PIGN: variants seen among roughly 807,000 people sequenced by gnomAD.
PIGN encodes the protein GPI ethanolamine phosphate transferase 1.
PIGN carries 117 observed loss-of-function variants against 125.4 expected under a neutral mutation model. The observed-to-expected ratio is 0.93, with a 90% CI of 0.80 to 1.09. The LOEUF (loss-of-function observed/expected upper bound fraction) is 1.09. Among genes scored for constraint, PIGN ranks in the 50% least tolerant of loss-of-function variants. The probability of loss-of-function intolerance (pLI) is 0.00; values close to 1 mark genes in which losing one functional copy is unlikely to be tolerated. For missense variants in PIGN, 1,075 were observed against 1,094.9 expected, an observed-to-expected ratio of 0.98 and a Z score of 0.26; for synonymous variants, 392 against 377.8, an observed-to-expected ratio of 1.04 and a Z score of -0.44.
At chr18:62,150,015 T>G (rs1369629858) in intron 7 of PIGN, among the ~76,000 whole-genome samples, 1 of 152,216 alleles carries the variant, frequency 6.6e-6, no homozygotes, top group Admixed American at 6.5e-5. Context: ...TGAGACAGTC[T>G]CTATCGCCCA....
In PIGN at chr18:62,106,979, T is replaced by A; in HGVS notation, c.1674+7A>T. 6.4e-7 allele frequency: 1 copy of A among 1,563,988 alleles called. No homozygotes were observed. Among genetic ancestry groups the A allele is most frequent in the Non-Finnish European group, 8.7e-7 (1 of 1,149,884 alleles). ...TTGCAAATGTTGTAATCTGGTAAGTTACTTACTAATACTTCAATTCCCAGG... is the reference window on the plus strand; with the variant it reads ...TTGCAAATGTTGTAATCTGGTAAGTAACTTACTAATACTTCAATTCCCAGG... On this transcript the variant is annotated splice_region_variant and intron_variant, in intron 18 of 30. Transcript: ENST00000640252.
At chr18:62,164,337 A>T (rs2037056958) in intron 1 of PIGN, among the ~76,000 whole-genome samples, 1 of 152,240 alleles carries the variant, frequency 6.6e-6, no homozygotes, top group Admixed American at 6.5e-5. Context: ...CCATTTTCAC[A>T]TTGCTACGAA....
intron 26 of PIGN, among the ~76,000 whole-genome samples, chr18:62,084,878 C>G (rs542843064): frequency 4.6e-5 from 7 of 152,154 alleles, no homozygotes; most frequent in Admixed American, 3.9e-4. Context: ...CAGGCTGAGG[C>G]GGGTGGATCA....
chr18:62,060,566 A>G (rs897801691), intron 30 of PIGN, among the ~76,000 whole-genome samples: 3 of 152,266 alleles, frequency 2.0e-5, no homozygotes, highest in African/African-American at 7.2e-5. Context: ...TACAAACACT[A>G]TTGAATAGAA....
chr18:62,076,314 T>C (rs58111511), intron 28 of PIGN, among the ~76,000 whole-genome samples: 119 of 152,350 alleles, frequency 7.8e-4, no homozygotes, highest in African/African-American at 2.3e-3. Flanking sequence ...CTGTATATCT[T>C]CTTCAGGTGT....
At chr18:62,077,144 G>A (rs2033660338) in intron 28 of PIGN, among the ~76,000 whole-genome samples, 1 of 152,196 alleles carries the variant, frequency 6.6e-6, no homozygotes, top group Admixed American at 6.5e-5. Flanking sequence ...TTAGGAGGCC[G>A]AGGTGGGTGA....
In PIGN at chr18:62,090,518, TTC is replaced by T; in HGVS notation, c.2239_2240del (p.Glu747ThrfsTer12). 6.2e-7 allele frequency: 1 copy of T among 1,611,280 alleles called. No individual in the cohort carries two copies. Among genetic ancestry groups the T allele is most frequent in the South Asian group, 1.1e-5 (1 of 90,552 alleles). On this transcript the variant is annotated frameshift_variant, in exon 24 of 31. Transcript: ENST00000640252. LOFTEE classifies it high-confidence loss of function. Reference protein sequence around the residue: ...SCLMFVWINIEQETLQQSGVC... With the variant: ...SCLMFVWINIXQETLQQSGVC... ...CACCAGATTGTTGTAGAGTTTCTTG[TTC>T]TATGTTTATCCAGACAAACATCAAA...
chr18:62,080,162 C>A (rs1419602470), intron 28 of PIGN, among the ~76,000 whole-genome samples: 1 of 152,102 alleles, frequency 6.6e-6, no homozygotes, highest in East Asian at 1.9e-4. Context: ...TTCCCCCAAT[C>A]CCTGCCGTGT....
chr18:62,156,787 A>G (rs1280164456), intron 6 of PIGN, among the ~76,000 whole-genome samples: 1 of 152,228 alleles, frequency 6.6e-6, no homozygotes, highest in African/African-American at 2.4e-5. Context: ...ATAAAAATAA[A>G]TCTATGAGAC....
intron 25 of PIGN, chr18:62,088,506 CAT>C: frequency 4.6e-6 from 1 of 215,076 alleles, no homozygotes; most frequent in Non-Finnish European, 9.0e-6. Flanking sequence ...TTTTAAAAAA[CAT>C]ATGTGACAAA....
At chr18:62,061,834 A>G (rs562758928) in intron 30 of PIGN, among the ~76,000 whole-genome samples, 1 of 152,310 alleles carries the variant, frequency 6.6e-6, no homozygotes, top group East Asian at 1.9e-4. Context: ...TCACAAACAG[A>G]AAGCAGAAAA....
At chr18:62,172,445 T>A (rs930383268) in intron 1 of PIGN, among the ~76,000 whole-genome samples, 6 of 152,136 alleles carry the variant, frequency 3.9e-5, no homozygotes, top group Non-Finnish European at 8.8e-5. Flanking sequence ...TCACTTTGAT[T>A]TAAACACCTC....
chr18:62,110,021 T>A, intron 16 of PIGN, 48 bp from the exon 17 acceptor site: 2 of 1,583,542 alleles, frequency 1.3e-6, no homozygotes, highest in Non-Finnish European at 1.7e-6. Context: ...CAATGGTAAT[T>A]GATAGGTTTT....
At chr18:62,132,422 A>G (rs761215364) in intron 14 of PIGN, among the ~76,000 whole-genome samples, 1 of 152,244 alleles carries the variant, frequency 6.6e-6, no homozygotes, top group Non-Finnish European at 1.5e-5. Context: ...AAATACTCTT[A>G]AAAATAATTT....
At chr18:62,117,886 A>G (rs1367803) in intron 14 of PIGN, among the ~76,000 whole-genome samples, 88,447 of 151,806 alleles carry the variant, frequency 0.58, 26,527 homozygotes, top group East Asian at 0.79. Flanking sequence ...GTTGCTGCAA[A>G]TGACAGGATT....
At chr18:62,136,367 G>C (rs2035933011) in intron 14 of PIGN, 1 of 152,072 alleles carries the variant, frequency 6.6e-6, no homozygotes, top group Non-Finnish European at 1.5e-5. Flanking sequence ...TTTTATTTTT[G>C]AGATGGAGTC....
At chr18:62,132,503 G>T (rs971286429) in intron 14 of PIGN, among the ~76,000 whole-genome samples, 3 of 151,990 alleles carry the variant, frequency 2.0e-5, no homozygotes, top group African/African-American at 7.2e-5. Flanking sequence ...TATTCCACCT[G>T]GTTCTGGTAT....
intron 22 of PIGN, among the ~76,000 whole-genome samples, chr18:62,097,453 G>C (rs2034257366): frequency 7.0e-6 from 1 of 143,832 alleles, no homozygotes; most frequent in Non-Finnish European, 1.5e-5. Context: ...CGGAGAAATA[G>C]GAACACTTTT....
chr18:62,182,202 G>A (rs1455587246), intron 1 of PIGN, among the ~76,000 whole-genome samples: 1 of 152,174 alleles, frequency 6.6e-6, no homozygotes, highest in Admixed American at 6.5e-5. Flanking sequence ...TTCTATCCTG[G>A]CAAGTTTCAT....
Sources: gnomAD v4.1 joint callset for allele counts (sites outside exome capture counted in the v4.1 genomes callset) on GRCh38, gnomAD v4.1.1 for gene constraint, MANE v1.5 for transcripts, NCBI Gene and HGNC (gene_info 2026-07-23, HGNC 2026-07-21) for gene names.